ADGRB3: variants seen among roughly 807,000 people sequenced by gnomAD.
ADGRB3 encodes brain-specific angiogenesis inhibitor 3.
A neutral mutation model predicts 193.4 loss-of-function variants in ADGRB3; 37 were observed. The ratio of observed to expected loss-of-function variants is 0.19; its 90% CI spans 0.15 to 0.25. The LOEUF (loss-of-function observed/expected upper bound fraction) is 0.25, where lower values mean the gene tolerates loss of function less well. Among genes scored for constraint, ADGRB3 ranks in the 10% least tolerant of loss-of-function variants. The pLI is 1.00. For synonymous variants in ADGRB3, 690 were observed against 644.2 expected (o/e 1.07, Z -1.08); for missense variants, 1,637 against 1,852.9 (o/e 0.88, Z 2.14).
intron 20 of ADGRB3, among the ~76,000 whole-genome samples, chr6:69,316,266 C>T (rs1239410671): frequency 1.3e-5 from 2 of 151,230 alleles, no homozygotes; most frequent in East Asian, 3.9e-4. Context: ...AGAAACTCAT[C>T]ACTGTAATAA....
At chr6:68,968,511 G>A (rs1292473377) in intron 8 of ADGRB3, among the ~76,000 whole-genome samples, 1 of 152,072 alleles carries the variant, frequency 6.6e-6, no homozygotes, top group Admixed American at 6.6e-5. Flanking sequence ...GGAACTAAAG[G>A]AAATTTGAAT....
chr6:69,333,522 A>T (rs1248805633), intron 24 of ADGRB3, among the ~76,000 whole-genome samples: 4 of 152,138 alleles, frequency 2.6e-5, no homozygotes, highest in Non-Finnish European at 5.9e-5. Flanking sequence ...ATTCTTTATG[A>T]CATTTTTAAT....
intron 3 of ADGRB3, among the ~76,000 whole-genome samples, chr6:68,889,109 G>A (rs1765999680): frequency 2.0e-5 from 3 of 152,164 alleles, no homozygotes; most frequent in African/African-American, 7.2e-5. Context: ...ATCAAGATAG[G>A]TAGAATAGTG....
intron 17 of ADGRB3, among the ~76,000 whole-genome samples, chr6:69,116,461 A>T (rs570705858): frequency 6.6e-6 from 1 of 152,318 alleles, no homozygotes; most frequent in African/African-American, 2.4e-5. Context: ...TACAGCTATG[A>T]GGAGATTGGA....
intron 3 of ADGRB3, among the ~76,000 whole-genome samples, chr6:68,914,075 C>G (rs1384623763): frequency 6.6e-6 from 1 of 151,840 alleles, no homozygotes; most frequent in African/African-American, 2.4e-5. Flanking sequence ...GATTGGTGTA[C>G]CTGAAAGTGA....
At chr6:69,094,473 A>G (rs895971691) in intron 17 of ADGRB3, among the ~76,000 whole-genome samples, 1 of 152,218 alleles carries the variant, frequency 6.6e-6, no homozygotes, top group African/African-American at 2.4e-5. Context: ...AAACAGACTA[A>G]CACACAAATG....
intron 8 of ADGRB3, among the ~76,000 whole-genome samples, chr6:68,958,800 T>C (rs944878587): frequency 9.9e-5 from 15 of 152,132 alleles, no homozygotes; most frequent in African/African-American, 3.4e-4. Flanking sequence ...ACCGTTTTCA[T>C]AATTAAAAAG....
chr6:68,694,671 G>C (rs1200289312), intron 3 of ADGRB3, among the ~76,000 whole-genome samples: 1 of 151,852 alleles, frequency 6.6e-6, no homozygotes, highest in Non-Finnish European at 1.5e-5. Context: ...TCCCTTTTTT[G>C]ATGGTCATTC....
At chr6:68,676,438 G>T (rs1314963737) in intron 3 of ADGRB3, among the ~76,000 whole-genome samples, 2 of 149,756 alleles carry the variant, frequency 1.3e-5, no homozygotes, top group Non-Finnish European at 3.0e-5. Flanking sequence ...GAATGAAGTT[G>T]ACTTCAAAAA....
At chr6:69,172,812 G>A (rs1434316178) in intron 17 of ADGRB3, among the ~76,000 whole-genome samples, 7 of 152,034 alleles carry the variant, frequency 4.6e-5, no homozygotes, top group African/African-American at 1.7e-4. Context: ...CGTGGCCTGA[G>A]GACAACAAGG....
At chr6:68,902,189 T>A (rs895909905) in intron 3 of ADGRB3, among the ~76,000 whole-genome samples, 1 of 152,138 alleles carries the variant, frequency 6.6e-6, no homozygotes, top group Non-Finnish European at 1.5e-5. Context: ...ACACTGTTAC[T>A]TCTGATTCAA....
chr6:69,004,156 A>C (rs1769671051), intron 11 of ADGRB3, among the ~76,000 whole-genome samples: 1 of 152,184 alleles, frequency 6.6e-6, no homozygotes, highest in Admixed American at 6.5e-5. Flanking sequence ...TTATTGAAGA[A>C]TGTTTTGGTT....
intron 3 of ADGRB3, among the ~76,000 whole-genome samples, chr6:68,791,441 C>T (rs1369423688): frequency 6.6e-6 from 1 of 151,998 alleles, no homozygotes. Flanking sequence ...TCTTTTATTG[C>T]TTTTTATTTT....
chr6:68,826,494 A>G (rs1767846224), intron 3 of ADGRB3, among the ~76,000 whole-genome samples: 1 of 152,198 alleles, frequency 6.6e-6, no homozygotes, highest in Non-Finnish European at 1.5e-5. Context: ...TGTACTATGT[A>G]GGCACTGGAA....
intron 26 of ADGRB3, among the ~76,000 whole-genome samples, chr6:69,346,076 C>T (rs563297402): frequency 3.1e-4 from 47 of 152,262 alleles, no homozygotes; most frequent in Middle Eastern, 6.8e-3. Context: ...CTACAAACCA[C>T]TGCTCAAGGA....
intron 3 of ADGRB3, among the ~76,000 whole-genome samples, chr6:68,909,851 A>G (rs1238785950): frequency 6.6e-6 from 1 of 152,244 alleles, no homozygotes. Flanking sequence ...TATTGTGAAT[A>G]GTGCCACAAT....
intron 3 of ADGRB3, among the ~76,000 whole-genome samples, chr6:68,670,998 G>T (rs1436761262): frequency 1.3e-5 from 2 of 151,674 alleles, no homozygotes; most frequent in Non-Finnish European, 2.9e-5. Flanking sequence ...TAATTCCTAA[G>T]TATTTAATTT....
chr6:69,324,789 A>G, intron 20 of ADGRB3, 83 bp from the exon 21 acceptor site: 1 of 1,435,584 alleles, frequency 7.0e-7, no homozygotes, highest in South Asian at 1.3e-5. Context: ...GCAATGAATC[A>G]GAGATTAACA....
intron 3 of ADGRB3, among the ~76,000 whole-genome samples, chr6:68,919,992 G>T (rs1217861019): frequency 6.6e-6 from 1 of 152,148 alleles, no homozygotes; most frequent in African/African-American, 2.4e-5. Context: ...TTATTGGAAT[G>T]TGAGGGGGTT....
Sources: allele counts gnomAD v4.1 joint callset (sites outside exome capture counted in the v4.1 genomes callset), GRCh38; gene constraint gnomAD v4.1.1; transcripts MANE v1.5; gene names NCBI Gene and HGNC (gene_info 2026-07-23, HGNC 2026-07-21).